ERBB4: variants seen among roughly 807,000 people sequenced by gnomAD.
ERBB4 encodes receptor tyrosine-protein kinase erbB-4.
In ERBB4, 42 loss-of-function variants were observed where a neutral mutation model predicts 158.0. The observed-to-expected ratio is 0.27, with a 90% CI of 0.21 to 0.34. The LOEUF (loss-of-function observed/expected upper bound fraction) is 0.34. Ranked by LOEUF, ERBB4 falls within the 10% of genes least tolerant of loss-of-function variation. The probability of loss-of-function intolerance (pLI) is 1.00; values close to 1 mark genes in which losing one functional copy is unlikely to be tolerated. For synonymous variants in ERBB4, 583 were observed against 558.7 expected, an observed-to-expected ratio of 1.04 and a Z score of -0.61; for missense variants, 1,333 against 1,624.1, an observed-to-expected ratio of 0.82 and a Z score of 3.08.
chr2:211,969,299 A>T (rs1300089498), intron 2 of ERBB4, among the ~76,000 whole-genome samples: 1 of 152,032 alleles, frequency 6.6e-6, no homozygotes, highest in African/African-American at 2.4e-5. Context: ...GGAAAACAGG[A>T]TCCATTCAGA....
chr2:212,489,382 C>T (rs1690150413), intron 1 of ERBB4, among the ~76,000 whole-genome samples: 2 of 151,844 alleles, frequency 1.3e-5, no homozygotes, highest in Admixed American at 6.6e-5. Context: ...GGATACTTAC[C>T]AAGAGAACCC....
At chr2:212,305,035 G>A (rs7592213) in intron 1 of ERBB4, among the ~76,000 whole-genome samples, 3 of 151,176 alleles carry the variant, frequency 2.0e-5, no homozygotes, top group African/African-American at 4.8e-5. Context: ...AAAATATTTT[G>A]TTCATATAAA....
chr2:212,038,795 T>C (rs990060645), intron 2 of ERBB4, among the ~76,000 whole-genome samples: 11 of 152,136 alleles, frequency 7.2e-5, no homozygotes, highest in African/African-American at 2.4e-4. Context: ...AAGAATATGT[T>C]GTATTCTCAG....
At chr2:212,221,650 C>CTATTT (rs2083294365) in intron 1 of ERBB4, among the ~76,000 whole-genome samples, 1 of 151,468 alleles carries the variant, frequency 6.6e-6, no homozygotes, top group Non-Finnish European at 1.5e-5. Flanking sequence ...CAATCTGTGC[C>CTATTT]TGTCAAAAAC....
intron 3 of ERBB4, among the ~76,000 whole-genome samples, chr2:211,944,251 C>T (rs1301002875): frequency 7.6e-6 from 1 of 132,282 alleles, no homozygotes; most frequent in East Asian, 2.4e-4. Context: ...TTAAAGTCTT[C>T]ATCTCAAAAC....
chr2:212,287,925 G>C (rs2086058838), intron 1 of ERBB4, among the ~76,000 whole-genome samples: 1 of 152,080 alleles, frequency 6.6e-6, no homozygotes, highest in South Asian at 2.1e-4. Flanking sequence ...TGGAAGGAGG[G>C]AGAGGATCAG....
At chr2:212,108,880 T>C (rs1173720160) in intron 2 of ERBB4, among the ~76,000 whole-genome samples, 1 of 152,174 alleles carries the variant, frequency 6.6e-6, no homozygotes, top group African/African-American at 2.4e-5. Context: ...CCTCCTTTCC[T>C]GATTGCTCTT....
At chr2:212,330,559 G>C (rs2088087778) in intron 1 of ERBB4, among the ~76,000 whole-genome samples, 1 of 151,978 alleles carries the variant, frequency 6.6e-6, no homozygotes, top group Non-Finnish European at 1.5e-5. Context: ...AGAGCAGTGA[G>C]ATGAGATCAC....
intron 3 of ERBB4, among the ~76,000 whole-genome samples, chr2:211,878,533 T>C (rs140096044): frequency 2.4e-4 from 36 of 152,242 alleles, no homozygotes; most frequent in African/African-American, 8.7e-4. Context: ...TAATAATACA[T>C]GTAGGTATTT....
rs115667923 is a variant in ERBB4 at position 211,501,589 on chromosome 2, C to T, written c.2487+60314G>A. ...TTGTTGTTTTATAATTATCTTTAGT[C>T]CTGTTTCTGAATGTATATACATATG... On this transcript the variant is annotated intron_variant, in intron 20 of 27. Transcript: ENST00000342788. Among the ~76,000 whole-genome samples the T allele has an allele frequency of 4.9e-3, 748 of 151,236 alleles. 8 individuals carry two copies. The highest frequency in any genetic ancestry group is 0.017 in the African/African-American group (720 of 41,240).
intron 3 of ERBB4, among the ~76,000 whole-genome samples, chr2:211,871,176 C>T (rs1011011893): frequency 6.6e-6 from 1 of 152,078 alleles, no homozygotes; most frequent in Non-Finnish European, 1.5e-5. Context: ...TAATACACTG[C>T]ATACAGAGGT....
At chr2:211,722,213 A>C (rs947132945) in intron 7 of ERBB4, among the ~76,000 whole-genome samples, 180 bp downstream of exon 7, 9 of 152,130 alleles carry the variant, frequency 5.9e-5, no homozygotes, top group African/African-American at 2.2e-4. Context: ...ATGAAACTTT[A>C]CACAAATCAC....
intron 1 of ERBB4, among the ~76,000 whole-genome samples, chr2:212,143,052 A>G (rs983862857): frequency 1.3e-5 from 2 of 152,180 alleles, no homozygotes; most frequent in Non-Finnish European, 2.9e-5. Context: ...GCTAACCAAT[A>G]TCACATGATA....
intron 1 of ERBB4, among the ~76,000 whole-genome samples, chr2:212,272,867 C>T (rs535860568): frequency 2.3e-4 from 35 of 151,328 alleles, no homozygotes; most frequent in Non-Finnish European, 3.4e-4. Context: ...GAATATATTA[C>T]GTATTTGAAC....
intron 20 of ERBB4, among the ~76,000 whole-genome samples, chr2:211,468,183 GAAAAT>G (rs1474577058): frequency 6.6e-6 from 1 of 152,120 alleles, no homozygotes; most frequent in Non-Finnish European, 1.5e-5. Flanking sequence ...AGTCAGAAAA[GAAAAT>G]AAAGAGAGCA....
chr2:211,550,721 TA>T (rs986536780), intron 20 of ERBB4, among the ~76,000 whole-genome samples: 3 of 145,964 alleles, frequency 2.1e-5, no homozygotes, highest in African/African-American at 7.6e-5. Context: ...TATATATATA[TA>T]TATATATATA....
chr2:212,172,584 T>C, intron 1 of ERBB4, among the ~76,000 whole-genome samples: 1 of 152,106 alleles, frequency 6.6e-6, no homozygotes, highest in East Asian at 1.9e-4. Flanking sequence ...ATATACACCA[T>C]GGAATACTAT....
intron 1 of ERBB4, among the ~76,000 whole-genome samples, chr2:212,418,036 T>C (rs1004987887): frequency 1.4e-4 from 21 of 151,870 alleles, no homozygotes; most frequent in African/African-American, 5.1e-4. Context: ...AAGGCAGCCA[T>C]CAGCAAGTCA....
intron 12 of ERBB4, among the ~76,000 whole-genome samples, chr2:211,691,527 A>G (rs1279407203): frequency 6.6e-6 from 1 of 152,024 alleles, no homozygotes; most frequent in Non-Finnish European, 1.5e-5. Flanking sequence ...AGCTAATTAG[A>G]AAAACAGGCT....
Sources: allele counts gnomAD v4.1 joint callset (sites outside exome capture counted in the v4.1 genomes callset), GRCh38; gene constraint gnomAD v4.1.1; transcripts MANE v1.5; gene names NCBI Gene and HGNC (gene_info 2026-07-23, HGNC 2026-07-21).